NMT2: variants seen among roughly 807,000 people sequenced by gnomAD.
The protein encoded by NMT2 is N-myristoyltransferase 2.
In NMT2, 35 loss-of-function variants were observed where a neutral mutation model predicts 65.4. The observed-to-expected ratio is 0.54, with a 90% CI of 0.41 to 0.71. The LOEUF (loss-of-function observed/expected upper bound fraction) is 0.71, where lower values mean the gene tolerates loss of function less well. NMT2 is among the 30% of genes least tolerant of loss of function. The pLI is 0.00. For synonymous variants in NMT2, 226 were observed against 231.8 expected, an observed-to-expected ratio of 0.98 and a Z score of 0.23; for missense variants, 489 against 611.3, an observed-to-expected ratio of 0.80 and a Z score of 2.11.
chr10:15,144,222 G>A (rs895844049), intron 1 of NMT2, among the ~76,000 whole-genome samples: 3 of 152,030 alleles, frequency 2.0e-5, no homozygotes, highest in African/African-American at 7.2e-5. Flanking sequence ...AAATTGACAG[G>A]GAGCTACAGA....
chr10:15,139,904 TA>T (rs1846679003), intron 2 of NMT2: 2 of 114,552 alleles, frequency 1.7e-5, no homozygotes, highest in Non-Finnish European at 1.8e-5. Context: ...TATATATATA[TA>T]TATATGCACT....
Position 15,133,274 on chromosome 10 carries a change from C to A in NMT2, c.481G>T (p.Asp161Tyr), listed in dbSNP as rs772674553. Residue 161 changes from aspartate (D) to tyrosine (Y), a missense_variant, in exon 4 of 12, where the codon GAC (aspartate) becomes TAC (tyrosine). Transcript: ENST00000378165. ...TCGGCATCACTCAAGTCTAAAGTGTCCCACATAAAACCCTGTGGCAAAGAA... is the reference window on the plus strand; with the variant it reads ...TCGGCATCACTCAAGTCTAAAGTGTACCACATAAAACCCTGTGGCAAAGAA... ...PYSLPQGFMWDTLDLSDAEVL... is the reference protein window; with the variant it reads ...PYSLPQGFMWYTLDLSDAEVL... 2 of 1,614,012 alleles carry A rather than the reference C, an allele frequency of 1.2e-6. No homozygotes were observed.
In NMT2 at chr10:15,119,271, A is replaced by C. The variant is rs555753174; in HGVS notation, c.1170+72T>G. 81 of 1,359,106 alleles carry C rather than the reference A, an allele frequency of 6.0e-5. No homozygotes were observed. In the African/African-American group the frequency reaches 1.0e-3, roughly 17 times the overall value. The allele number at this position is 1,359,106 out of a possible 1,614,324, so 84.2% of individuals were successfully genotyped here. A position where few individuals can be genotyped will look rare whatever the true frequency, so the allele number is the denominator to read the frequency against. On this transcript the variant is annotated intron_variant, in intron 9 of 11. Coordinates refer to ENST00000378165, the MANE Select transcript of NMT2 (RefSeq NM_004808.3). The stretch of plus-strand genomic sequence containing the variant: ...GATGAAATAGAAGGAAGTGTGTGTA[A>C]ATAATTCTGCTGCACGCTGAACACA...
chr10:15,130,338 A>C lies in NMT2; in HGVS notation c.720-26T>G, dbSNP rs1241427811. 2.0e-6 allele frequency: 3 copies of C among 1,492,758 alleles called. No homozygotes were observed. The African/African-American group carries it at 4.2e-5, about 21-fold the overall frequency. 92.5% of individuals were successfully genotyped at this position (1,492,758 alleles called of 1,614,324 possible). ...CTAAGAAATAAAGATGGTGAAGATT[A>C]AGAGTCAAAACGAGATTCAAAATGA... is the stretch of plus-strand genomic sequence containing the variant. On this transcript the variant is annotated intron_variant, in intron 6 of 11. Transcript: ENST00000378165.
intron 10 of NMT2, among the ~76,000 whole-genome samples, chr10:15,110,627 G>A (rs965217176): frequency 4.4e-5 from 6 of 136,616 alleles, no homozygotes; most frequent in East Asian, 2.0e-4. Flanking sequence ...CAGAGTGAGC[G>A]CCTGTCTCAA....
rs111236516 is a variant in NMT2, at chr10:15,126,154, C to T, written c.999+2196G>A. ...AATAGAAATGGCAATGGCGGCTGGGCGCAGTGGCTCACACCTGTAATCCCA... is the reference window on the plus strand; with the variant it reads ...AATAGAAATGGCAATGGCGGCTGGGTGCAGTGGCTCACACCTGTAATCCCA... On this transcript the variant is annotated intron_variant, in intron 8 of 11. Transcript: ENST00000378165. 2.9e-3 allele frequency among the ~76,000 whole-genome samples: 441 copies of T among 151,012 alleles called. 2 individuals carry two copies. Among genetic ancestry groups the T allele is most frequent in the African/African-American group, 0.01 (426 of 41,136 alleles).
chr10:15,117,198 C>A (rs999351980), intron 9 of NMT2, among the ~76,000 whole-genome samples: 2 of 152,018 alleles, frequency 1.3e-5, no homozygotes, highest in Non-Finnish European at 2.9e-5. Context: ...AATTATACAC[C>A]CTGACCAAGT....
At chr10:15,149,243 T>C (rs1472603398) in intron 1 of NMT2, among the ~76,000 whole-genome samples, 1 of 120,890 alleles carries the variant, frequency 8.3e-6, no homozygotes, top group Admixed American at 8.6e-5. Context: ...TCATTGCCAC[T>C]GTCATCATCA....
intron 7 of NMT2, among the ~76,000 whole-genome samples, chr10:15,128,762 T>C (rs1342744069): frequency 6.6e-6 from 1 of 152,174 alleles, no homozygotes; most frequent in African/African-American, 2.4e-5. Flanking sequence ...CCCAGCACTT[T>C]GGGAGGCTGA....
At chr10:15,159,942 T>TA (rs1003569207) in intron 1 of NMT2, among the ~76,000 whole-genome samples, 50 of 152,268 alleles carry the variant, frequency 3.3e-4, no homozygotes, top group African/African-American at 1.1e-3. Flanking sequence ...ATACACTCAC[T>TA]AAGAGCTACA....
At position 15,108,890 on chromosome 10, in the gene NMT2, C is replaced by T. The variant is rs749797860; in HGVS notation, c.*305G>A. ...TCTACTTAGTCCATAGAAAAACAGT[C>T]CCTTTTCTAAGGGTGAAAAAATACC... On this transcript the variant is annotated 3_prime_UTR_variant, in exon 12 of 12. Transcript: ENST00000378165. 6 of 1,138,664 alleles carry T rather than the reference C, an allele frequency of 5.3e-6. No individual in the cohort carries two copies. The highest frequency in any genetic ancestry group is 5.4e-6 in the Non-Finnish European group (5 of 928,522). 70.5% of individuals were successfully genotyped at this position (1,138,664 alleles called of 1,614,324 possible).
chr10:15,146,084 C>A (rs192346682), intron 1 of NMT2, among the ~76,000 whole-genome samples: 21 of 152,286 alleles, frequency 1.4e-4, no homozygotes, highest in African/African-American at 5.1e-4. Context: ...ATTCCTCGGT[C>A]TTCAAGAACT....
chr10:15,154,969 C>G, intron 1 of NMT2: 1 of 1,138,866 alleles, frequency 8.8e-7, no homozygotes, highest in Non-Finnish European at 1.3e-6. Flanking sequence ...ATCTGGGAAT[C>G]GTTTGTGTTG....
rs1472334064 is a variant in NMT2, at chr10:15,106,746, A to G, written c.*2449T>C. On this transcript the variant is annotated 3_prime_UTR_variant, in exon 12 of 12. Coordinates refer to ENST00000378165, the MANE Select transcript of NMT2 (RefSeq NM_004808.3). ...TATCTTAGGCTTTGCAGGCCACACA[A>G]TCTGTCACAACAACTCAACTCAGCT... 5.9e-6 allele frequency: 4 copies of G among 675,260 alleles called. No individual in the cohort carries two copies. The highest frequency in any genetic ancestry group is 2.0e-5 in the African/African-American group (1 of 51,214). 41.8% of individuals were successfully genotyped at this position (675,260 alleles called of 1,614,324 possible).
intron 8 of NMT2, among the ~76,000 whole-genome samples, chr10:15,126,155 G>A (rs188546988): frequency 0.026 from 3,871 of 151,274 alleles, 53 homozygotes; most frequent in Non-Finnish European, 0.038. Context: ...GCGGCTGGGC[G>A]CAGTGGCTCA....
intron 1 of NMT2, among the ~76,000 whole-genome samples, chr10:15,164,175 T>C (rs1175579268): frequency 8.7e-6 from 1 of 115,478 alleles, no homozygotes; most frequent in African/African-American, 4.0e-5. Flanking sequence ...AGAGCGAGAA[T>C]TGGTCTCAAA....
chr10:15,151,285 G>A (rs562372345), intron 1 of NMT2, among the ~76,000 whole-genome samples: 16 of 152,202 alleles, frequency 1.1e-4, no homozygotes, highest in African/African-American at 3.1e-4. Context: ...TTGAACTCCC[G>A]ACCTCAGGTC....
At chr10:15,150,047 T>A (rs1035892972) in intron 1 of NMT2, among the ~76,000 whole-genome samples, 1 of 152,172 alleles carries the variant, frequency 6.6e-6, no homozygotes, top group Non-Finnish European at 1.5e-5. Flanking sequence ...GGTGTTCTGG[T>A]TGGAATCCCA....
chr10:15,149,517 C>T (rs1676309496), intron 1 of NMT2, among the ~76,000 whole-genome samples: 4 of 54,306 alleles, frequency 7.4e-5, no homozygotes, highest in African/African-American at 1.3e-4. Context: ...ATCATTATCA[C>T]CACCATCATC....
Sources: gnomAD v4.1 joint callset for allele counts (sites outside exome capture counted in the v4.1 genomes callset) on GRCh38, gnomAD v4.1.1 for gene constraint, MANE v1.5 for transcripts, NCBI Gene and HGNC (gene_info 2026-07-23, HGNC 2026-07-21) for gene names.